The following ATP13A4 variants were observed in gnomAD, a reference collection of about 807,000 sequenced individuals.
ATP13A4 encodes the protein probable cation-transporting ATPase 13A4.
A neutral mutation model predicts 142.5 loss-of-function variants in ATP13A4; 114 were observed. That is an observed-to-expected ratio of 0.80 (90% CI 0.69 to 0.93). The LOEUF is 0.93. Ranked by LOEUF, ATP13A4 falls within the 40% of genes least tolerant of loss-of-function variation. The pLI is 0.00. For synonymous variants in ATP13A4, 488 were observed against 514.8 expected (o/e 0.95, Z 0.70); for missense variants, 1,392 against 1,454.0 (o/e 0.96, Z 0.69).
At position 193,402,816 on chromosome 3, in the gene ATP13A4, A is replaced by C. The variant is rs1337691445; in HGVS notation, c.3427T>G (p.Phe1143Val). Residue 1143 changes from phenylalanine (F) to valine (V), a missense_variant, in exon 30 of 30, where the codon TTC becomes GTC. Transcript: ENST00000342695. ...TACTGGCTTTTTGACTGATAGCCGA[A>C]ACATCTTTTAATCATCATCCACAGG... ...RALWMMIKRCFGYQSKSQYRI... is the reference protein window; with the variant it reads ...RALWMMIKRCVGYQSKSQYRI... 4.3e-6 allele frequency: 7 copies of C among 1,614,138 alleles called. No homozygotes were observed. Among genetic ancestry groups the C allele is most frequent in the Non-Finnish European group, 5.9e-6 (7 of 1,179,980 alleles).
Position 193,455,154 on chromosome 3 carries a change from C to T in ATP13A4, c.1916-942G>A, listed in dbSNP as rs908216256. ...GAAATCGAGACCATCCTGGCTAACA[C>T]GGTGAAACCCCGTCTCTACTAAAAA... On this transcript the variant is annotated intron_variant, in intron 16 of 29. Coordinates refer to ENST00000342695, the MANE Select transcript of ATP13A4 (RefSeq NM_032279.4). 6.6e-5 allele frequency among the ~76,000 whole-genome samples: 10 copies of T among 151,808 alleles called. No homozygotes were observed. In the South Asian group the frequency reaches 1.2e-3, roughly 19 times the overall value.
intron 1 of ATP13A4, among the ~76,000 whole-genome samples, chr3:193,591,302 G>A (rs1478944903): frequency 6.6e-6 from 1 of 152,184 alleles, no homozygotes; most frequent in Non-Finnish European, 1.5e-5. Context: ...CAAAGTGCTG[G>A]GATTACAGGC....
chr3:193,533,994 T>C (rs1167009274), intron 1 of ATP13A4, among the ~76,000 whole-genome samples: 2 of 152,186 alleles, frequency 1.3e-5, no homozygotes, highest in Non-Finnish European at 2.9e-5. Context: ...GTTAGAACTT[T>C]CCTAACTACC....
intron 2 of ATP13A4, among the ~76,000 whole-genome samples, chr3:193,561,461 G>A (rs187891106): frequency 6.6e-6 from 1 of 152,340 alleles, no homozygotes; most frequent in African/African-American, 2.4e-5. Context: ...CAAAAGGGAG[G>A]AGACTCTCAA....
At chr3:193,513,224 G>A (rs1721230289) in intron 2 of ATP13A4, among the ~76,000 whole-genome samples, 1 of 152,186 alleles carries the variant, frequency 6.6e-6, no homozygotes, top group Non-Finnish European at 1.5e-5. Flanking sequence ...CCAGTTCTCA[G>A]TTTCATTGGA....
upstream of ATP13A4, among the ~76,000 whole-genome samples, chr3:193,556,268 T>C (rs1413761839): frequency 2.0e-5 from 3 of 152,198 alleles, no homozygotes; most frequent in Non-Finnish European, 2.9e-5. Context: ...TATTTTTACC[T>C]TCACCATGTC....
chr3:193,575,001 T>C (rs1453501477), intron 2 of ATP13A4, among the ~76,000 whole-genome samples: 1 of 152,200 alleles, frequency 6.6e-6, no homozygotes, highest in Non-Finnish European at 1.5e-5. Context: ...CTTAAGACAC[T>C]GGCAGCTTCC....
At chr3:193,436,407 C>T (rs1304581988) in intron 23 of ATP13A4, among the ~76,000 whole-genome samples, 3 of 151,908 alleles carry the variant, frequency 2.0e-5, no homozygotes, top group Non-Finnish European at 4.4e-5. Flanking sequence ...TCTTCTATTT[C>T]ATTCGGTGAA....
rs7639379 is a variant in ATP13A4, at chr3:193,502,136, C to T, written c.381+357G>A. Among the ~76,000 whole-genome samples, 797 of 152,152 alleles carry T rather than the reference C, an allele frequency of 5.2e-3. 11 individuals are homozygous for T. The highest frequency in any genetic ancestry group is 0.02 in the Middle Eastern group (6 of 294). On this transcript the variant is annotated intron_variant, in intron 3 of 29. Coordinates refer to ENST00000342695, the MANE Select transcript of ATP13A4 (RefSeq NM_032279.4). ...GCCTGGGCAACATAGTGAGATCCTA[C>T]CTCTAACAAAAGGAAAAGAAAATAG...
chr3:193,501,813 A>G (rs2108675822), intron 3 of ATP13A4, among the ~76,000 whole-genome samples: 1 of 152,328 alleles, frequency 6.6e-6, no homozygotes, highest in Non-Finnish European at 1.5e-5. Flanking sequence ...TAGGGTGAAG[A>G]GGGAGCAACC....
chr3:193,570,986 A>G (rs1048783972), intron 2 of ATP13A4, among the ~76,000 whole-genome samples: 3 of 152,178 alleles, frequency 2.0e-5, no homozygotes, highest in Admixed American at 6.5e-5. Flanking sequence ...AAAGTAGAAA[A>G]TAAGTATCTG....
chr3:193,538,632 C>T (rs1722715043), intron 1 of ATP13A4, among the ~76,000 whole-genome samples: 1 of 151,718 alleles, frequency 6.6e-6, no homozygotes, highest in Non-Finnish European at 1.5e-5. Flanking sequence ...TGGATGAAAG[C>T]ACTTGGACAA....
intron 7 of ATP13A4, among the ~76,000 whole-genome samples, chr3:193,487,964 G>T (rs1016682309): frequency 6.6e-6 from 1 of 152,122 alleles, no homozygotes; most frequent in Non-Finnish European, 1.5e-5. Flanking sequence ...GGATATAATA[G>T]GTTCAAGTTC....
intron 25 of ATP13A4, among the ~76,000 whole-genome samples, chr3:193,432,098 T>C (rs1716010829): frequency 7.5e-6 from 1 of 133,710 alleles, no homozygotes; most frequent in Non-Finnish European, 1.7e-5. Flanking sequence ...TATGCCATCA[T>C]TGGGAATGAT....
intron 2 of ATP13A4, among the ~76,000 whole-genome samples, chr3:193,562,637 C>T (rs377497448): frequency 4.1e-4 from 63 of 152,196 alleles, no homozygotes; most frequent in African/African-American, 1.4e-3. Flanking sequence ...TTTGGGAGGT[C>T]GAGGTGTGCA....
At chr3:193,449,313 C>T (rs1387015106) in intron 17 of ATP13A4, among the ~76,000 whole-genome samples, 3 of 152,134 alleles carry the variant, frequency 2.0e-5, no homozygotes, top group Non-Finnish European at 4.4e-5. Context: ...AGACACAGAT[C>T]GAGAACAAGA....
At chr3:193,490,826 C>T (rs1404484066) in intron 6 of ATP13A4, among the ~76,000 whole-genome samples, 2 of 152,078 alleles carry the variant, frequency 1.3e-5, no homozygotes, top group Non-Finnish European at 2.9e-5. Context: ...TAGAGGGCTA[C>T]GGTTTGATAA....
intron 29 of ATP13A4, chr3:193,404,037 C>A: frequency 1.0e-6 from 1 of 985,326 alleles, no homozygotes; most frequent in Non-Finnish European, 1.2e-6. Context: ...CTGCTGGCTG[C>A]GGGGCTGTTA....
At chr3:193,465,932 T>C in intron 11 of ATP13A4, 93 bp downstream of exon 11, 3 of 1,533,712 alleles carry the variant, frequency 2.0e-6, no homozygotes, top group Non-Finnish European at 2.7e-6. Flanking sequence ...CCCAGGTTTG[T>C]AAACCACATC....
Sources: gnomAD v4.1 joint callset for allele counts (sites outside exome capture counted in the v4.1 genomes callset) on GRCh38, gnomAD v4.1.1 for gene constraint, MANE v1.5 for transcripts, NCBI Gene and HGNC (gene_info 2026-07-23, HGNC 2026-07-21) for gene names.